Variants in HAO2 observed in about 807,000 individuals in gnomAD.
HAO2 encodes the protein hydroxyacid oxidase 2, also known as 2-Hydroxyacid oxidase 2.
HAO2 carries 42 observed loss-of-function variants against 37.4 expected under a neutral mutation model. The observed-to-expected ratio is 1.12, with a 90% confidence interval of 0.88 to 1.45. The LOEUF (loss-of-function observed/expected upper bound fraction) is 1.45, where lower values mean the gene tolerates loss of function less well. Ranked by LOEUF, HAO2 falls within the 40% of genes most tolerant of loss-of-function variation. HAO2 has a pLI of 0.00. For synonymous variants in HAO2, 180 were observed against 162.8 expected (o/e 1.11, Z -0.81); for missense variants, 476 against 430.2 (o/e 1.11, Z -0.94).
intron 1 of HAO2, 67 bp from the exon 2 acceptor site, chr1:119,381,011 T>G: frequency 7.3e-7 from 1 of 1,361,782 alleles, no homozygotes; most frequent in Admixed American, 1.8e-5. Context: ...AGCTTCCCCT[T>G]CATTTCCTTT....
rs1415723402 is a variant in HAO2, at chr1:119,392,199, G to A, written c.861G>A (p.Leu287=). 1 of 1,613,316 alleles carries A rather than the reference G, an allele frequency of 6.2e-7. No homozygotes were observed. The highest frequency in any genetic ancestry group is 1.3e-5 in the African/African-American group (1 of 74,896). The part of the protein sequence containing the change: ...DGGVRTGNDV[L]KALALGAKCI... ...GGGTCCGAACTGGCAATGATGTGCT[G>A]AAGGCTCTGGCCCTTGGAGCTAAGT... The change falls in exon 6 of 8, where the codon CTG becomes CTA. Residue 287 remains leucine (L), a synonymous_variant. Transcript: ENST00000325945.
rs759835164 is a variant in HAO2 at position 119,392,592 on chromosome 1, TC to T, written c.931-25del. The T allele has an allele frequency of 4.7e-6, 7 of 1,504,274 alleles. No individual in the cohort carries two copies. In the South Asian group the frequency reaches 7.9e-5, roughly 17 times the overall value. The allele number at this position is 1,504,274 out of a possible 1,614,324, so 93.2% of individuals were successfully genotyped here. ...GAATGTTCCTTTATGTCTCTTTGTGTCTCTGTCTGTCTGCCTCGGGAGCAGG... is the reference window on the plus strand; with the variant it reads ...GAATGTTCCTTTATGTCTCTTTGTGTTCTGTCTGTCTGCCTCGGGAGCAGG... On this transcript the variant is annotated intron_variant, in intron 6 of 7. Transcript: ENST00000325945.
chr1:119,386,040 C>G (rs1650354801), intron 4 of HAO2: 1 of 251,128 alleles, frequency 4.0e-6, no homozygotes, highest in African/African-American at 2.3e-5. Context: ...GAAACTTTGT[C>G]TTATTTGTCT....
intron 5 of HAO2, among the ~76,000 whole-genome samples, chr1:119,389,805 T>C (rs1323323748): frequency 4.6e-5 from 7 of 152,174 alleles, no homozygotes; most frequent in African/African-American, 1.7e-4. Context: ...AAGTGCCAGC[T>C]ATTTATCTTT....
intron 7 of HAO2, 99 bp downstream of exon 7, chr1:119,392,786 T>C (rs1370313034): frequency 1.4e-5 from 11 of 810,252 alleles, no homozygotes; most frequent in Non-Finnish European, 2.4e-5. Context: ...CCTGATGTGG[T>C]AGCTGTCCAA....
intron 5 of HAO2, among the ~76,000 whole-genome samples, chr1:119,387,914 G>T (rs1020071049): frequency 6.6e-6 from 1 of 152,116 alleles, no homozygotes; most frequent in Admixed American, 6.6e-5. Context: ...TCCAAGACAC[G>T]TGATGCTTGG....
At chr1:119,378,422 A>G (rs189327311) in intron 1 of HAO2, among the ~76,000 whole-genome samples, 24 of 152,324 alleles carry the variant, frequency 1.6e-4, no homozygotes, top group South Asian at 1.0e-3. Context: ...GCCAAACCAT[A>G]TCACTGATCT....
intron 5 of HAO2, among the ~76,000 whole-genome samples, chr1:119,388,373 T>C (rs1650558186): frequency 6.6e-6 from 1 of 152,200 alleles, no homozygotes; most frequent in Non-Finnish European, 1.5e-5. Flanking sequence ...TAGCTGGTCT[T>C]GTTCTTTTGG....
chr1:119,386,554 T>A (rs1229338566), intron 4 of HAO2, 68 bp from the exon 5 acceptor site: 4 of 958,344 alleles, frequency 4.2e-6, no homozygotes, highest in Non-Finnish European at 6.8e-6. Context: ...TAAATGTGTC[T>A]CATCTTTGGA....
At chr1:119,386,484 G>C in intron 4 of HAO2, 138 bp from the exon 5 acceptor site, 1 of 636,436 alleles carries the variant, frequency 1.6e-6, no homozygotes, top group Non-Finnish European at 2.8e-6. Flanking sequence ...GGGATTACAG[G>C]CATGAGCCAC....
intron 4 of HAO2, chr1:119,385,537 A>T: frequency 3.3e-6 from 3 of 913,748 alleles, no homozygotes; most frequent in Non-Finnish European, 3.9e-6. Flanking sequence ...CTTGAAACTG[A>T]GGAATCAATA....
At chr1:119,382,101 T>C (rs1649993827) in intron 2 of HAO2, among the ~76,000 whole-genome samples, 1 of 152,186 alleles carries the variant, frequency 6.6e-6, no homozygotes, top group Non-Finnish European at 1.5e-5. Context: ...TGTATTTTCA[T>C]ACTTAGTTAG....
chr1:119,383,013 C>T lies in HAO2; in HGVS notation c.230C>T (p.Pro77Leu). The change falls in exon 3 of 8, where the codon CCC (proline) becomes CTC (leucine). Residue 77 changes from proline to leucine, a missense_variant. Pro to Leu is a moderately conservative substitution (Grantham distance 98). Coordinates refer to ENST00000325945, the MANE Select transcript of HAO2 (RefSeq NM_016527.4). ...EEISAPICIA[P>L]TGFHCLVWPD... ...ATCAGTGCCCCTATTTGTATCGCAC[C>T]CACAGGGTTCCACTGCCTTGTCTGG... is the stretch of plus-strand genomic sequence containing the variant. 6.2e-7 allele frequency: 1 copy of T among 1,612,938 alleles called. No homozygotes were observed. The highest frequency in any genetic ancestry group is 8.5e-7 in the Non-Finnish European group (1 of 1,179,236).
chr1:119,376,167 C>T (rs978775100), intron 1 of HAO2, among the ~76,000 whole-genome samples: 10 of 152,274 alleles, frequency 6.6e-5, no homozygotes, highest in African/African-American at 2.4e-4. Context: ...TTAGTTACTT[C>T]CTAGATACAA....
At chr1:119,371,342 C>G (rs1211965079) in intron 1 of HAO2, among the ~76,000 whole-genome samples, 1 of 152,090 alleles carries the variant, frequency 6.6e-6, no homozygotes, top group East Asian at 1.9e-4. Context: ...TTGTAAGCAC[C>G]AAATGGAATA....
intron 5 of HAO2, 116 bp downstream of exon 5, chr1:119,386,947 C>G (rs906723253): frequency 2.9e-6 from 2 of 696,784 alleles, no homozygotes; most frequent in African/African-American, 3.5e-5. Context: ...CTCTGTACCA[C>G]ATGTGTTGGT....
intron 1 of HAO2, among the ~76,000 whole-genome samples, chr1:119,378,372 T>A (rs1649647918): frequency 6.6e-6 from 1 of 152,156 alleles, no homozygotes; most frequent in Non-Finnish European, 1.5e-5. Flanking sequence ...GTGGGGATTA[T>A]AGGAGCTATA....
chr1:119,392,754 C>G (rs1651015884), intron 7 of HAO2, 67 bp downstream of exon 7: 3 of 963,770 alleles, frequency 3.1e-6, no homozygotes, highest in Admixed American at 1.7e-5. Context: ...GAGCAGCAGT[C>G]CTTCCCTCTA....
rs113913580 is a variant in HAO2, at chr1:119,381,124, G to A, written c.39G>A (p.Ala13=). The A allele has an allele frequency of 5.6e-4, 898 of 1,610,882 alleles. 2 individuals carry two copies. The African/African-American group carries it at 9.6e-3, about 17-fold the overall frequency. ...GTTTGACAGACTTTCAGGCCCATGC[G>A]CGAGAGCAGCTGTCTAAGTCAACTC... ...LVCLTDFQAH[A]REQLSKSTRD... The change falls in exon 2 of 8, where the codon GCG becomes GCA. Residue 13 remains alanine, a synonymous_variant. Transcript: ENST00000325945.
Sources: gnomAD v4.1 joint callset for allele counts (sites outside exome capture counted in the v4.1 genomes callset) on GRCh38, gnomAD v4.1.1 for gene constraint, MANE v1.5 for transcripts, NCBI Gene and HGNC (gene_info 2026-07-23, HGNC 2026-07-21) for gene names.